CYFIP2: variants seen among roughly 807,000 people sequenced by gnomAD.
CYFIP2 encodes cytoplasmic FMR1-interacting protein 2.
A neutral mutation model predicts 158.7 loss-of-function variants in CYFIP2; 29 were observed. That is an observed-to-expected ratio of 0.18 (90% CI 0.14 to 0.25). The LOEUF is 0.25. CYFIP2 is among the 10% of genes least tolerant of loss of function. The probability of loss-of-function intolerance (pLI) is 1.00; values close to 1 mark genes in which losing one functional copy is unlikely to be tolerated. For missense variants in CYFIP2, 852 were observed against 1,639.5 expected, an observed-to-expected ratio of 0.52 and a Z score of 8.29; for synonymous variants, 585 against 617.6, an observed-to-expected ratio of 0.95 and a Z score of 0.78.
intron 4 of CYFIP2, 115 bp from the exon 5 acceptor site, chr5:157,296,558 C>T: frequency 1.1e-6 from 1 of 919,674 alleles, no homozygotes; most frequent in Admixed American, 2.0e-5. Context: ...CATGCCACTG[C>T]ACTCTAGCCT....
intron 16 of CYFIP2, 80 bp downstream of exon 16, chr5:157,324,154 C>T: frequency 6.7e-7 from 1 of 1,482,104 alleles, no homozygotes; most frequent in South Asian, 1.3e-5. Flanking sequence ...CCAAGCCAGG[C>T]ATTGCAAAGG....
At position 157,354,815 on chromosome 5, in the gene CYFIP2, C is replaced by T. The variant is rs144715674; in HGVS notation, c.2674-4190C>T. Among the ~76,000 whole-genome samples the T allele has an allele frequency of 3.8e-3, 575 of 152,218 alleles. 1 individual carries two copies. The highest frequency in any genetic ancestry group is 0.017 in the Middle Eastern group (5 of 294). Reference sequence around the variant, plus strand: ...GTAAAACAGTTCCAATACTATTCTCCGCCTCTGCCTAGATCTGGGAATTCC... The same window carrying T: ...GTAAAACAGTTCCAATACTATTCTCTGCCTCTGCCTAGATCTGGGAATTCC... On this transcript the variant is annotated intron_variant, in intron 23 of 30. Coordinates refer to ENST00000620254, the MANE Select transcript of CYFIP2 (RefSeq NM_001037333.3).
chr5:157,361,325 C>T lies in CYFIP2; in HGVS notation c.2909-143C>T, dbSNP rs114357611. The T allele has an allele frequency of 2.4e-3, 2,398 of 995,688 alleles. 40 individuals are homozygous for T. The African/African-American group carries it at 0.032, about 13-fold the overall frequency. The allele number at this position is 995,688 out of a possible 1,614,324, so 61.7% of individuals were successfully genotyped here. A position where few individuals can be genotyped will look rare whatever the true frequency, so the allele number is the denominator to read the frequency against. On this transcript the variant is annotated intron_variant, in intron 25 of 30. Transcript: ENST00000620254. This position sits in a 1 kb window ranked among gnomAD's most constrained non-coding sequence, Gnocchi z 4.4. ...ACTGAGCCCTGAAAGAAATCTCACT[C>T]TGGGCCTGCAGGTAAGAGGGATGCG... is the stretch of plus-strand genomic sequence containing the variant.
chr5:157,359,458 C>T (rs1460664484), intron 24 of CYFIP2, among the ~76,000 whole-genome samples: 2 of 152,202 alleles, frequency 1.3e-5, no homozygotes, highest in Admixed American at 1.3e-4. Flanking sequence ...ACTGCTCATC[C>T]TCCCCAGCTG....
intron 15 of CYFIP2, chr5:157,322,891 G>C (rs969372412): frequency 4.8e-6 from 7 of 1,459,970 alleles, no homozygotes; most frequent in Non-Finnish European, 6.5e-6. Context: ...CCTCTTCCCT[G>C]TCTCTCCTGC....
chr5:157,277,818 G>A (rs1756682676), intron 1 of CYFIP2, among the ~76,000 whole-genome samples: 1 of 152,072 alleles, frequency 6.6e-6, no homozygotes, highest in Non-Finnish European at 1.5e-5. Flanking sequence ...GTTTTATTCT[G>A]GGGCCAAGAA....
chr5:157,385,159 C>G (rs1010057168), intron 28 of CYFIP2, among the ~76,000 whole-genome samples: 1 of 152,160 alleles, frequency 6.6e-6, no homozygotes, highest in Non-Finnish European at 1.5e-5. Flanking sequence ...GCAGGCATCC[C>G]GCCTCTCACT....
chr5:157,274,507 T>C (rs1335555473), intron 1 of CYFIP2, among the ~76,000 whole-genome samples: 4 of 152,274 alleles, frequency 2.6e-5, no homozygotes, highest in Non-Finnish European at 4.4e-5. Context: ...GCTTTTTAGC[T>C]ATTACAAATA....
In CYFIP2 at chr5:157,392,690, C is replaced by T. The variant is rs1269545325; in HGVS notation, c.3595-143C>T. ...CCAGTTAACACTTGATTGCCAGATC[C>T]AGGGGATTCCATAAAAGGACTTTAA... On this transcript the variant is annotated intron_variant, in intron 30 of 30. Coordinates refer to ENST00000620254, the MANE Select transcript of CYFIP2 (RefSeq NM_001037333.3). The T allele has an allele frequency of 1.2e-5, 11 of 896,324 alleles. No homozygotes were observed. The Admixed American group carries it at 2.3e-4, about 18-fold the overall frequency. The allele number at this position is 896,324 out of a possible 1,614,324, so 55.5% of individuals were successfully genotyped here.
At chr5:157,327,888 G>A (rs1761152257) in intron 18 of CYFIP2, 85 bp from the exon 19 acceptor site, 1 of 1,320,426 alleles carries the variant, frequency 7.6e-7, no homozygotes, top group East Asian at 2.3e-5. Flanking sequence ...GGGCAATCCT[G>A]CCTGACTGCT....
intron 8 of CYFIP2, among the ~76,000 whole-genome samples, chr5:157,305,751 G>A (rs1398435576): frequency 1.3e-5 from 2 of 152,220 alleles, no homozygotes; most frequent in African/African-American, 4.8e-5. Context: ...CTGGGCTCAA[G>A]CAATCTGCCC....
chr5:157,339,959 C>T (rs1762129048), intron 22 of CYFIP2, among the ~76,000 whole-genome samples: 1 of 152,150 alleles, frequency 6.6e-6, no homozygotes, highest in South Asian at 2.1e-4. Flanking sequence ...TTTATTAACC[C>T]TGAAAGAGTT....
chr5:157,363,924 C>T (rs1764090243), intron 26 of CYFIP2: 1 of 152,148 alleles, frequency 6.6e-6, no homozygotes, highest in Non-Finnish European at 1.5e-5. Flanking sequence ...TTTCATCCCT[C>T]AGTGCCCCCG....
chr5:157,334,752 A>C (rs1301806530), intron 21 of CYFIP2, among the ~76,000 whole-genome samples: 2 of 152,232 alleles, frequency 1.3e-5, no homozygotes, highest in Non-Finnish European at 2.9e-5. Flanking sequence ...AAAGACTGAA[A>C]ACTGTTACAA....
chr5:157,303,820 C>T (rs1056487390), intron 7 of CYFIP2, among the ~76,000 whole-genome samples: 2 of 151,682 alleles, frequency 1.3e-5, no homozygotes, highest in African/African-American at 4.8e-5. Context: ...GACACCTGCC[C>T]CCCTCCCCAC....
intron 3 of CYFIP2, among the ~76,000 whole-genome samples, chr5:157,289,856 A>G (rs1273557765): frequency 6.6e-6 from 1 of 152,240 alleles, no homozygotes; most frequent in Non-Finnish European, 1.5e-5. Context: ...CTTAAAAGAG[A>G]TATGAACAGA....
chr5:157,353,721 C>T (rs778745373), intron 23 of CYFIP2, among the ~76,000 whole-genome samples: 4 of 152,192 alleles, frequency 2.6e-5, no homozygotes, highest in Non-Finnish European at 5.9e-5. Context: ...AGCCATTCCA[C>T]CTAAATTAGA....
intron 10 of CYFIP2, 70 bp downstream of exon 10, chr5:157,309,904 A>C: frequency 5.7e-6 from 8 of 1,392,244 alleles, no homozygotes; most frequent in African/African-American, 1.4e-5. Context: ...CCGAGGGGCC[A>C]CTTCAGCCCC....
intron 22 of CYFIP2, among the ~76,000 whole-genome samples, chr5:157,340,838 T>C (rs1399383252): frequency 6.6e-6 from 1 of 152,202 alleles, no homozygotes; most frequent in African/African-American, 2.4e-5. Context: ...CACAAGCCCC[T>C]GGTTGAGCCC....
Sources: allele counts gnomAD v4.1 joint callset (sites outside exome capture counted in the v4.1 genomes callset), GRCh38; gene constraint gnomAD v4.1.1; non-coding constraint Gnocchi (gnomAD v3.1); transcripts MANE v1.5; gene names NCBI Gene and HGNC (gene_info 2026-07-23, HGNC 2026-07-21).